The following TMEM132D variants were observed in gnomAD, a reference collection of about 807,000 sequenced individuals.
The protein encoded by TMEM132D is transmembrane protein 132D.
A neutral mutation model predicts 62.3 loss-of-function variants in TMEM132D; 21 were observed. The observed-to-expected ratio is 0.34, with a 90% CI of 0.24 to 0.49. The LOEUF (loss-of-function observed/expected upper bound fraction) is 0.49, where lower values mean the gene tolerates loss of function less well. Among genes scored for constraint, TMEM132D ranks in the 20% least tolerant of loss-of-function variants. The pLI, the probability that TMEM132D is intolerant of heterozygous loss-of-function variation, is 0.99. For synonymous variants in TMEM132D, 621 were observed against 575.6 expected (o/e 1.08, Z -1.13); for missense variants, 1,346 against 1,402.8 (o/e 0.96, Z 0.65).
chr12:129,526,076 CACA>C (rs1189153240), intron 3 of TMEM132D, among the ~76,000 whole-genome samples: 5 of 152,182 alleles, frequency 3.3e-5, no homozygotes, highest in African/African-American at 1.2e-4. Flanking sequence ...CTAACATACA[CACA>C]ACAACTGTTC....
intron 5 of TMEM132D, among the ~76,000 whole-genome samples, chr12:129,189,517 TG>T (rs1357711969): frequency 6.6e-6 from 1 of 152,094 alleles, no homozygotes; most frequent in African/African-American, 2.4e-5. Context: ...TGGCTGGCTG[TG>T]AGGGCTGCTG....
At chr12:129,420,306 GTTTTT>G (rs71082709) in intron 3 of TMEM132D, among the ~76,000 whole-genome samples, 12,150 of 112,304 alleles carry the variant, frequency 0.11, 719 homozygotes, top group East Asian at 0.45. Context: ...CACGTTCTCT[GTTTTT>G]TTTTTTTTTT....
chr12:129,446,813 G>A (rs1013024852), intron 3 of TMEM132D, among the ~76,000 whole-genome samples: 3 of 152,166 alleles, frequency 2.0e-5, no homozygotes, highest in African/African-American at 4.8e-5. Flanking sequence ...CTGTGGTGGT[G>A]ATTTCTTTAT....
chr12:129,178,016 TGTG>T (rs1489655637), intron 5 of TMEM132D, among the ~76,000 whole-genome samples: 2 of 152,180 alleles, frequency 1.3e-5, no homozygotes, highest in African/African-American at 4.8e-5. Flanking sequence ...AGCGAGGACA[TGTG>T]GTGTTTGGTT....
intron 1 of TMEM132D, among the ~76,000 whole-genome samples, chr12:129,708,644 C>A (rs1308920862): frequency 3.7e-5 from 5 of 135,468 alleles, no homozygotes; most frequent in South Asian, 5.0e-4. Context: ...CACACACACA[C>A]ACACACACAC....
At chr12:129,790,153 T>C (rs1485587115) in intron 1 of TMEM132D, among the ~76,000 whole-genome samples, 1 of 152,084 alleles carries the variant, frequency 6.6e-6, no homozygotes, top group Non-Finnish European at 1.5e-5. Context: ...TGCTTTTTGG[T>C]ACCAGCAGGA....
intron 1 of TMEM132D, among the ~76,000 whole-genome samples, chr12:129,876,670 CTT>C (rs936081227): frequency 1.3e-5 from 2 of 152,214 alleles, no homozygotes; most frequent in Non-Finnish European, 2.9e-5. Flanking sequence ...CTCTCTGTCT[CTT>C]TGTGTTGGCT....
intron 3 of TMEM132D, among the ~76,000 whole-genome samples, chr12:129,492,298 A>G (rs1244802390): frequency 6.6e-6 from 1 of 152,252 alleles, no homozygotes; most frequent in African/African-American, 2.4e-5. Context: ...TTTTGCTCAC[A>G]GAGTTTCCTG....
chr12:129,528,841 A>G lies in TMEM132D; in HGVS notation c.1115+2218T>C, dbSNP rs184734947. ...TGGAAAAAGACCTGCTCCCAAAACT[A>G]TAAGACTTCCGTTCTAGAGCTTCCT... On this transcript the variant is annotated intron_variant, in intron 3 of 8. Coordinates refer to ENST00000422113, the MANE Select transcript of TMEM132D (RefSeq NM_133448.3). Among the ~76,000 whole-genome samples, 470 of 152,374 alleles carry G rather than the reference A, an allele frequency of 3.1e-3. 2 individuals carry two copies. The highest frequency in any genetic ancestry group is 0.011 in the African/African-American group (459 of 41,588).
intron 3 of TMEM132D, among the ~76,000 whole-genome samples, chr12:129,441,998 G>A (rs1273992112): frequency 1.3e-5 from 2 of 152,160 alleles, no homozygotes; most frequent in African/African-American, 4.8e-5. Context: ...GAGATAAGGA[G>A]AGAGGCAAGG....
At chr12:129,639,579 C>T (rs1879589589) in intron 2 of TMEM132D, among the ~76,000 whole-genome samples, 1 of 151,990 alleles carries the variant, frequency 6.6e-6, no homozygotes, top group Admixed American at 6.6e-5. Flanking sequence ...AACCTTCCAC[C>T]TGTGGCCAGC....
chr12:129,562,096 T>C (rs1877251440), intron 2 of TMEM132D, among the ~76,000 whole-genome samples: 1 of 152,232 alleles, frequency 6.6e-6, no homozygotes, highest in Admixed American at 6.5e-5. Context: ...GAATATACTA[T>C]GTATTGATTA....
chr12:129,529,845 A>G (rs7967066), intron 3 of TMEM132D, among the ~76,000 whole-genome samples: 1,915 of 152,330 alleles, frequency 0.013, 39 homozygotes, highest in African/African-American at 0.043. Context: ...TTATTGAGAT[A>G]GCACCTGATT....
chr12:129,193,040 C>T (rs1232032281), intron 5 of TMEM132D, among the ~76,000 whole-genome samples: 1 of 151,906 alleles, frequency 6.6e-6, no homozygotes, highest in Non-Finnish European at 1.5e-5. Flanking sequence ...TGCCTGTAGT[C>T]CCAGCTACTA....
intron 4 of TMEM132D, among the ~76,000 whole-genome samples, chr12:129,318,337 C>A (rs543109201): frequency 6.6e-6 from 1 of 152,252 alleles, no homozygotes; most frequent in East Asian, 1.9e-4. Flanking sequence ...ATGGGGTAGT[C>A]CCTTGATGTA....
At chr12:129,158,926 G>C (rs1877319773) in intron 5 of TMEM132D, among the ~76,000 whole-genome samples, 1 of 152,284 alleles carries the variant, frequency 6.6e-6, no homozygotes, top group Middle Eastern at 3.4e-3. Flanking sequence ...GCAGGAGAGA[G>C]GAAGCAAGGG....
chr12:129,812,170 A>G (rs1300223987), intron 1 of TMEM132D, among the ~76,000 whole-genome samples: 1 of 151,698 alleles, frequency 6.6e-6, no homozygotes, highest in African/African-American at 2.4e-5. Context: ...CCAAATGCGC[A>G]CATTCCCATA....
At position 129,206,830 on chromosome 12, in the gene TMEM132D, T is replaced by G. The variant is rs142369020; in HGVS notation, c.1443+2690A>C. Among the ~76,000 whole-genome samples the G allele has an allele frequency of 4.3e-3, 652 of 152,248 alleles. 1 individual carries two copies. Among genetic ancestry groups the G allele is most frequent in the African/African-American group, 0.015 (613 of 41,552 alleles). On this transcript the variant is annotated intron_variant, in intron 5 of 8. Transcript: ENST00000422113. ...ACATGGATGGAGCTAGAGGCCATTA[T>G]CCTAACTAATACAGGAATAGAAAAC...
Position 129,825,468 on chromosome 12 carries a change from G to A in TMEM132D, c.79+77793C>T, listed in dbSNP as rs145005933. ...TTTATCTGCTAATAGGGTTACTGGC[G>A]AGAGGCTTGAGCTCCAACCACCTTC... On this transcript the variant is annotated intron_variant, in intron 1 of 8. Transcript: ENST00000422113. Among the ~76,000 whole-genome samples, 24 of 152,254 alleles carry A rather than the reference G, an allele frequency of 1.6e-4. No homozygotes were observed. In the East Asian group the frequency reaches 3.7e-3, roughly 23 times the overall value.
Sources: gnomAD v4.1 joint callset for allele counts (sites outside exome capture counted in the v4.1 genomes callset) on GRCh38, gnomAD v4.1.1 for gene constraint, MANE v1.5 for transcripts, NCBI Gene and HGNC (gene_info 2026-07-23, HGNC 2026-07-21) for gene names.